RARB: variants seen among roughly 807,000 people sequenced by gnomAD.
RARB encodes the protein retinoic acid receptor beta, also known as HBV-activated protein.
RARB carries 17 observed loss-of-function variants against 51.9 expected under a neutral mutation model. The observed-to-expected ratio is 0.33, with a 90% CI of 0.22 to 0.49. The LOEUF is 0.49. RARB is among the 20% of genes least tolerant of loss of function. RARB has a pLI of 0.99. For missense variants in RARB, 369 were observed against 550.8 expected, an observed-to-expected ratio of 0.67 and a Z score of 3.30; for synonymous variants, 215 against 195.4, an observed-to-expected ratio of 1.10 and a Z score of -0.84.
chr3:25,220,766 A>G (rs1044676197), intron 5 of RARB, among the ~76,000 whole-genome samples: 3 of 152,084 alleles, frequency 2.0e-5, no homozygotes, highest in Non-Finnish European at 4.4e-5. Context: ...TTTATAAATT[A>G]CCCAGTCTCG....
intron 3 of RARB, among the ~76,000 whole-genome samples, chr3:25,085,427 G>A (rs1392879108): frequency 1.3e-5 from 2 of 152,100 alleles, no homozygotes; most frequent in African/African-American, 2.4e-5. Context: ...CCAGATTCTA[G>A]TAAGAAGCAT....
intron 5 of RARB, among the ~76,000 whole-genome samples, chr3:25,361,433 G>C (rs890036259): frequency 6.6e-6 from 1 of 152,112 alleles, no homozygotes; most frequent in Non-Finnish European, 1.5e-5. Flanking sequence ...ACATGCTCCT[G>C]TAACTCGGAG....
chr3:24,936,984 G>T (rs1348495757), intron 2 of RARB, among the ~76,000 whole-genome samples: 1 of 152,164 alleles, frequency 6.6e-6, no homozygotes, highest in Non-Finnish European at 1.5e-5. Flanking sequence ...TAAGTCTTCA[G>T]TGCCAGTCAT....
chr3:24,899,333 G>T (rs770052103), intron 2 of RARB, among the ~76,000 whole-genome samples: 1 of 152,136 alleles, frequency 6.6e-6, no homozygotes, highest in East Asian at 1.9e-4. Flanking sequence ...GTATTCACAG[G>T]CTTGAGAACC....
chr3:24,891,181 C>T (rs1383519093), intron 2 of RARB, among the ~76,000 whole-genome samples: 1 of 152,158 alleles, frequency 6.6e-6, no homozygotes, highest in African/African-American at 2.4e-5. Context: ...TTGATAATAT[C>T]TCATGACGTT....
intron 3 of RARB, among the ~76,000 whole-genome samples, chr3:25,516,606 C>T (rs1300746057): frequency 7.1e-6 from 1 of 141,178 alleles, no homozygotes; most frequent in Non-Finnish European, 1.5e-5. Flanking sequence ...CTAGATTTAT[C>T]AAAGGTTCAT....
intron 5 of RARB, among the ~76,000 whole-genome samples, chr3:25,386,522 A>G (rs147138707): frequency 5.8e-4 from 88 of 152,238 alleles, no homozygotes; most frequent in Middle Eastern, 3.4e-3. Context: ...TCACAAAACT[A>G]CTCGAGAGGT....
rs534758361 is a variant in RARB, at chr3:25,354,462, T to C, written c.179-106731T>C. Among the ~76,000 whole-genome samples, 9 of 152,240 alleles carry C rather than the reference T, an allele frequency of 5.9e-5. No individual in the cohort carries two copies. In the East Asian group the frequency reaches 1.7e-3, roughly 29 times the overall value. Reference sequence around the variant, plus strand: ...ATCAACATCCTCTTGGACCCAGAAGTGTACGCTACTCATTTATTTTATGTT... The same window carrying C: ...ATCAACATCCTCTTGGACCCAGAAGCGTACGCTACTCATTTATTTTATGTT... On this transcript the variant is annotated intron_variant, in intron 5 of 11. Transcript: ENST00000383772.
At chr3:25,435,136 T>C (rs1025836764) in intron 1 of RARB, among the ~76,000 whole-genome samples, 6 of 152,246 alleles carry the variant, frequency 3.9e-5, no homozygotes, top group African/African-American at 1.4e-4. Context: ...TCTTATTTTT[T>C]AAGTTTCAGT....
intron 3 of RARB, among the ~76,000 whole-genome samples, chr3:25,544,491 T>C (rs1699527470): frequency 6.6e-6 from 1 of 152,252 alleles, no homozygotes; most frequent in Non-Finnish European, 1.5e-5. Flanking sequence ...AACCAATTAC[T>C]ACCTGGAAGG....
chr3:24,830,597 C>T (rs1702266822), intron 1 of RARB, among the ~76,000 whole-genome samples: 1 of 149,472 alleles, frequency 6.7e-6, no homozygotes. Flanking sequence ...AAGTGATGGT[C>T]GCGGAGTGGA....
intron 2 of RARB, among the ~76,000 whole-genome samples, chr3:24,999,021 G>C (rs1407411937): frequency 6.6e-6 from 1 of 152,066 alleles, no homozygotes; most frequent in Non-Finnish European, 1.5e-5. Flanking sequence ...TATGAGCCCA[G>C]TCCCTAATGG....
intron 1 of RARB, among the ~76,000 whole-genome samples, chr3:24,843,609 C>A (rs1026191285): frequency 6.6e-6 from 1 of 152,078 alleles, no homozygotes; most frequent in Admixed American, 6.6e-5. Context: ...ACTAATATAT[C>A]AGATCAGCAA....
intron 5 of RARB, among the ~76,000 whole-genome samples, chr3:25,306,220 C>G (rs1035696063): frequency 6.6e-6 from 1 of 152,150 alleles, no homozygotes; most frequent in Non-Finnish European, 1.5e-5. Context: ...GCCAGCTGCC[C>G]CCCAGGAAGG....
rs539958251 is a variant in RARB, at chr3:24,889,051, C to T, written c.-380+30299C>T. Among the ~76,000 whole-genome samples, 140 of 152,230 alleles carry T rather than the reference C, an allele frequency of 9.2e-4. 1 individual carries two copies. The highest frequency in any genetic ancestry group is 3.4e-3 in the Middle Eastern group (1 of 294). On this transcript the variant is annotated intron_variant, in intron 2 of 11. Coordinates refer to the RARB transcript ENST00000383772. ...GGAATTTTGCAAATAGAAGATGGGA[C>T]GTTCTGCTGAGGGCAGGAAGTGAGA...
intron 2 of RARB, among the ~76,000 whole-genome samples, chr3:24,871,576 G>T (rs148228897): frequency 6.6e-6 from 1 of 152,028 alleles, no homozygotes; most frequent in Admixed American, 6.6e-5. Flanking sequence ...CAACATTTAC[G>T]TTCTTGGCTT....
At chr3:25,521,408 A>C (rs563942964) in intron 3 of RARB, among the ~76,000 whole-genome samples, 1 of 152,326 alleles carries the variant, frequency 6.6e-6, no homozygotes, top group South Asian at 2.1e-4. Context: ...GGGTGAATCA[A>C]CATGTGAACT....
At chr3:25,167,570 A>G (rs545548595) in intron 4 of RARB, among the ~76,000 whole-genome samples, 2 of 152,356 alleles carry the variant, frequency 1.3e-5, no homozygotes, top group East Asian at 1.9e-4. Context: ...GGAAGTGATG[A>G]TGGAAAGGAA....
intron 3 of RARB, among the ~76,000 whole-genome samples, chr3:25,546,731 G>A (rs1221676011): frequency 6.6e-6 from 1 of 152,194 alleles, no homozygotes; most frequent in East Asian, 1.9e-4. Context: ...CGAAGGAGGT[G>A]AGGGAGACAG....
Sources: allele counts gnomAD v4.1 joint callset (sites outside exome capture counted in the v4.1 genomes callset), GRCh38; gene constraint gnomAD v4.1.1; transcripts MANE v1.5; gene names NCBI Gene and HGNC (gene_info 2026-07-23, HGNC 2026-07-21).